NKAIN3: variants seen among roughly 807,000 people sequenced by gnomAD.
The protein encoded by NKAIN3 is sodium/potassium-transporting ATPase subunit beta-1-interacting protein 3.
In NKAIN3, 25 loss-of-function variants were observed where a neutral mutation model predicts 30.2. That is an observed-to-expected ratio of 0.83 (90% CI 0.60 to 1.16). The LOEUF is 1.16. Ranked by LOEUF, NKAIN3 falls within the 50% of genes most tolerant of loss-of-function variation. The pLI is 0.00. For synonymous variants in NKAIN3, 91 were observed against 89.6 expected (o/e 1.02, Z -0.09); for missense variants, 225 against 254.1 (o/e 0.89, Z 0.78).
At chr8:62,506,476 C>CTTTCTTTATTTT (rs71559373) in intron 1 of NKAIN3, among the ~76,000 whole-genome samples, 1 of 98,450 alleles carries the variant, frequency 1.0e-5, no homozygotes, top group Non-Finnish European at 1.9e-5. Flanking sequence ...TTCTTTCTTT[C>CTTTCTTTATTTT]TTTTTTTTTT....
intron 3 of NKAIN3, among the ~76,000 whole-genome samples, chr8:62,621,412 A>G (rs1811615515): frequency 6.6e-6 from 1 of 152,124 alleles, no homozygotes; most frequent in Non-Finnish European, 1.5e-5. Context: ...TTAAGAAGAA[A>G]GAAAAATCTA....
At chr8:62,386,908 G>C (rs1817439811) in intron 1 of NKAIN3, among the ~76,000 whole-genome samples, 1 of 132,316 alleles carries the variant, frequency 7.6e-6, no homozygotes, top group Non-Finnish European at 1.6e-5. Flanking sequence ...TTTCCGAATT[G>C]ATATATGAGA....
At chr8:62,774,680 TTATTC>T (rs1817131061) in intron 4 of NKAIN3, among the ~76,000 whole-genome samples, 1 of 152,198 alleles carries the variant, frequency 6.6e-6, no homozygotes, top group South Asian at 2.1e-4. Context: ...TTTTTGTACT[TTATTC>T]TGTTGACATG....
At chr8:62,885,104 C>T (rs1444745755) in intron 4 of NKAIN3, among the ~76,000 whole-genome samples, 1 of 152,010 alleles carries the variant, frequency 6.6e-6, no homozygotes, top group Non-Finnish European at 1.5e-5. Context: ...TTGCTTTTAT[C>T]TAATGTTTGT....
At chr8:62,379,469 C>T (rs1817200439) in intron 1 of NKAIN3, among the ~76,000 whole-genome samples, 3 of 152,168 alleles carry the variant, frequency 2.0e-5, no homozygotes, top group Admixed American at 2.0e-4. Flanking sequence ...CAAATCTCAT[C>T]TTGAATTGTA....
chr8:62,518,538 G>A (rs1424610619), intron 1 of NKAIN3, among the ~76,000 whole-genome samples: 2 of 152,040 alleles, frequency 1.3e-5, no homozygotes, highest in South Asian at 2.1e-4. Context: ...AACCGTTTCC[G>A]TGGTCCCCAT....
At chr8:62,647,101 C>T (rs1812483210) in intron 3 of NKAIN3, among the ~76,000 whole-genome samples, 1 of 152,132 alleles carries the variant, frequency 6.6e-6, no homozygotes, top group African/African-American at 2.4e-5. Flanking sequence ...AGATTCATAA[C>T]AATAGCATTC....
chr8:62,372,534 G>A (rs1056365944), intron 1 of NKAIN3, among the ~76,000 whole-genome samples: 16 of 151,946 alleles, frequency 1.1e-4, no homozygotes, highest in African/African-American at 3.1e-4. Context: ...GTGGAGATTC[G>A]CATCATATAT....
intron 1 of NKAIN3, among the ~76,000 whole-genome samples, chr8:62,359,576 T>G (rs1816482519): frequency 6.6e-6 from 1 of 152,150 alleles, no homozygotes; most frequent in African/African-American, 2.4e-5. Flanking sequence ...CATGCTCCAC[T>G]CACATGAGAG....
At chr8:62,469,553 C>T (rs1806263307) in intron 1 of NKAIN3, among the ~76,000 whole-genome samples, 1 of 152,066 alleles carries the variant, frequency 6.6e-6, no homozygotes, top group Non-Finnish European at 1.5e-5. Context: ...AGACTGGCGC[C>T]CAATAAGACC....
At position 62,618,349 on chromosome 8, in the gene NKAIN3, G is replaced by A. The variant is rs191781243; in HGVS notation, c.273+28555G>A. On this transcript the variant is annotated intron_variant, in intron 3 of 6. Coordinates refer to ENST00000623646, the MANE Select transcript of NKAIN3 (RefSeq NM_001304533.3). ...ATGTGATTCAGGTTTGGGGTTGGAA[G>A]CATTTAATTGACTTATCAGGATCCA... 2.8e-3 allele frequency among the ~76,000 whole-genome samples: 419 copies of A among 152,210 alleles called. 3 individuals carry two copies. Among genetic ancestry groups the A allele is most frequent in the African/African-American group, 9.7e-3 (405 of 41,546 alleles).
Position 62,436,280 on chromosome 8 carries a change from A to G in NKAIN3, c.55-143259A>G, listed in dbSNP as rs569834463. Among the ~76,000 whole-genome samples, 3 of 152,254 alleles carry G rather than the reference A, an allele frequency of 2.0e-5. No homozygotes were observed. In the South Asian group the frequency reaches 6.2e-4, roughly 32 times the overall value. ...TTCTTCCACTTGTATTTTACCGCAA[A>G]TGTTACTGACTGTTTTCTAATTAAG... is the stretch of plus-strand genomic sequence containing the variant. On this transcript the variant is annotated intron_variant, in intron 1 of 6. Transcript: ENST00000623646.
At chr8:62,664,228 A>C (rs1322065478) in intron 3 of NKAIN3, among the ~76,000 whole-genome samples, 3 of 151,972 alleles carry the variant, frequency 2.0e-5, no homozygotes, top group Non-Finnish European at 4.4e-5. Context: ...ATACCAGATC[A>C]CTTTGATTAA....
At chr8:62,547,612 G>T (rs1809059540) in intron 1 of NKAIN3, among the ~76,000 whole-genome samples, 1 of 152,174 alleles carries the variant, frequency 6.6e-6, no homozygotes, top group African/African-American at 2.4e-5. Flanking sequence ...AATACTTGTA[G>T]AATTTCAAGG....
intron 4 of NKAIN3, among the ~76,000 whole-genome samples, chr8:62,871,418 A>AAAAAAC (rs71255368): frequency 1.4e-5 from 2 of 142,440 alleles, no homozygotes; most frequent in African/African-American, 5.2e-5. Context: ...AAAAAAAAAA[A>AAAAAAC]CAAAAACAAA....
chr8:62,940,839 T>C (rs1288748098), intron 5 of NKAIN3, among the ~76,000 whole-genome samples: 1 of 150,936 alleles, frequency 6.6e-6, no homozygotes, highest in Non-Finnish European at 1.5e-5. Flanking sequence ...ATAGACAATC[T>C]CAGGTCACAC....
intron 5 of NKAIN3, among the ~76,000 whole-genome samples, chr8:62,998,096 CAG>C (rs1804162565): frequency 6.6e-6 from 1 of 152,166 alleles, no homozygotes; most frequent in African/African-American, 2.4e-5. Context: ...TGTTTGTGCT[CAG>C]AGACTTTACA....
At position 62,813,043 on chromosome 8, in the gene NKAIN3, G is replaced by A. The variant is rs373501370; in HGVS notation, c.471+65914G>A. 2.6e-5 allele frequency among the ~76,000 whole-genome samples: 4 copies of A among 151,890 alleles called. No homozygotes were observed. In the East Asian group the frequency reaches 7.7e-4, roughly 29 times the overall value. On this transcript the variant is annotated intron_variant, in intron 4 of 6. Transcript: ENST00000623646. Reference sequence around the variant, plus strand: ...TTTTGTTTATTAATTGAAGGCCTAAGGCCTCATTCTTCTCCACAGTGATAT... The same window carrying A: ...TTTTGTTTATTAATTGAAGGCCTAAAGCCTCATTCTTCTCCACAGTGATAT...
chr8:62,779,697 T>C (rs1817298805), intron 4 of NKAIN3, among the ~76,000 whole-genome samples: 1 of 152,176 alleles, frequency 6.6e-6, no homozygotes, highest in Non-Finnish European at 1.5e-5. Context: ...TTCTCCAAGA[T>C]GGACAATATG....
Sources: allele counts gnomAD v4.1 joint callset (sites outside exome capture counted in the v4.1 genomes callset), GRCh38; gene constraint gnomAD v4.1.1; transcripts MANE v1.5; gene names NCBI Gene and HGNC (gene_info 2026-07-23, HGNC 2026-07-21).